The following RYR2 variants were observed in gnomAD, a reference collection of about 807,000 sequenced individuals.
RYR2 encodes cardiac muscle ryanodine receptor-calcium release channel.
A neutral mutation model predicts 601.1 loss-of-function variants in RYR2; 227 were observed. The ratio of observed to expected loss-of-function variants is 0.38; its 90% confidence interval spans 0.34 to 0.42. RYR2 has a LOEUF of 0.42. Among genes scored for constraint, RYR2 ranks in the 10% least tolerant of loss-of-function variants. The pLI is 1.00. For missense variants in RYR2, 4,646 were observed against 6,156.5 expected (o/e 0.75, Z 8.21); for synonymous variants, 2,223 against 2,175.1 (o/e 1.02, Z -0.61).
intron 12 of RYR2, among the ~76,000 whole-genome samples, chr1:237,430,919 C>T (rs4233474): frequency 0.72 from 108,910 of 152,128 alleles, 39,327 homozygotes; most frequent in African/African-American, 0.78. Context: ...GATTTCTGCT[C>T]AGGGATTCTG....
chr1:237,563,834 G>A (rs1671702793), intron 27 of RYR2, among the ~76,000 whole-genome samples: 1 of 152,082 alleles, frequency 6.6e-6, no homozygotes, highest in Non-Finnish European at 1.5e-5. Flanking sequence ...ATACATATTT[G>A]TGAAGTCTTG....
At chr1:237,805,963 T>C (rs1283406845) in intron 98 of RYR2, among the ~76,000 whole-genome samples, 174 bp from the exon 99 acceptor site, 1 of 152,222 alleles carries the variant, frequency 6.6e-6, no homozygotes, top group Non-Finnish European at 1.5e-5. Flanking sequence ...CCCCAATCTC[T>C]AGTGTCCTCT....
Position 237,674,338 on chromosome 1 carries a change from T to C in RYR2, c.8714+119T>C, listed in dbSNP as rs1343726280. The C allele has an allele frequency of 7.9e-6, 6 of 761,272 alleles. No homozygotes were observed. The African/African-American group carries it at 8.8e-5, about 11-fold the overall frequency. The allele number at this position is 761,272 out of a possible 1,614,324, so 47.2% of individuals were successfully genotyped here. A position where few individuals can be genotyped will look rare whatever the true frequency, so the allele number is the denominator to read the frequency against. Reference sequence around the variant, plus strand: ...ATCTGTTTACACTTTTGAGGTACTGTTTAATATGTTTAAAATACACACATC... The same window carrying C: ...ATCTGTTTACACTTTTGAGGTACTGCTTAATATGTTTAAAATACACACATC... On this transcript the variant is annotated intron_variant, in intron 59 of 104. Transcript: ENST00000366574.
intron 37 of RYR2, among the ~76,000 whole-genome samples, chr1:237,616,668 A>G (rs1678504454): frequency 6.6e-6 from 1 of 152,184 alleles, no homozygotes; most frequent in Non-Finnish European, 1.5e-5. Flanking sequence ...TATATATTTC[A>G]TTGGCCATTG....
At chr1:237,647,686 T>C (rs1309373466) in intron 48 of RYR2, among the ~76,000 whole-genome samples, 1 of 152,222 alleles carries the variant, frequency 6.6e-6, no homozygotes, top group Non-Finnish European at 1.5e-5. Flanking sequence ...TCTGTGATAG[T>C]ATTTGTAGAA....
At chr1:237,288,993 A>AC (rs1472522509) in intron 2 of RYR2, among the ~76,000 whole-genome samples, 1 of 151,776 alleles carries the variant, frequency 6.6e-6, no homozygotes, top group Non-Finnish European at 1.5e-5. Flanking sequence ...TGCTTCCTTT[A>AC]CCCCCTGTAT....
intron 33 of RYR2, 122 bp downstream of exon 33, chr1:237,593,758 GC>G (rs1206549191): frequency 1.7e-5 from 17 of 1,014,740 alleles, no homozygotes; most frequent in Non-Finnish European, 2.3e-5. Flanking sequence ...ATATAATCAA[GC>G]CATTAATGTC....
At chr1:237,597,477 T>C (rs568226559) in intron 34 of RYR2, among the ~76,000 whole-genome samples, 6 of 151,836 alleles carry the variant, frequency 4.0e-5, no homozygotes, top group Non-Finnish European at 7.4e-5. Flanking sequence ...AGATGGGGTT[T>C]CACGATGTTG....
chr1:237,260,380 G>A (rs1688396460), intron 1 of RYR2, among the ~76,000 whole-genome samples: 1 of 152,202 alleles, frequency 6.6e-6, no homozygotes, highest in South Asian at 2.1e-4. Flanking sequence ...AACCCTCAGA[G>A]ATATTTCAGC....
At chr1:237,756,609 G>T (rs1692976517) in intron 81 of RYR2, among the ~76,000 whole-genome samples, 1 of 151,158 alleles carries the variant, frequency 6.6e-6, no homozygotes, top group Non-Finnish European at 1.5e-5. Context: ...TTTTCATTCT[G>T]TTCTTTAAGT....
intron 2 of RYR2, among the ~76,000 whole-genome samples, chr1:237,292,592 G>A (rs1490569721): frequency 6.6e-6 from 1 of 152,178 alleles, no homozygotes; most frequent in Non-Finnish European, 1.5e-5. Flanking sequence ...AATTATGCTG[G>A]ATTTGCAGCC....
intron 74 of RYR2, among the ~76,000 whole-genome samples, chr1:237,725,724 A>G (rs933424926): frequency 4.6e-5 from 7 of 152,096 alleles, no homozygotes; most frequent in Non-Finnish European, 7.4e-5. Context: ...ATTTCCTGAA[A>G]TACTTTAATA....
At chr1:237,376,496 A>G (rs1483954879) in intron 7 of RYR2, among the ~76,000 whole-genome samples, 1 of 149,554 alleles carries the variant, frequency 6.7e-6, no homozygotes, top group African/African-American at 2.5e-5. Context: ...AGTTGAGTGA[A>G]GGTAAAGAAT....
At chr1:237,402,590 A>G (rs886288610) in intron 10 of RYR2, among the ~76,000 whole-genome samples, 2 of 152,322 alleles carry the variant, frequency 1.3e-5, no homozygotes, top group Admixed American at 1.3e-4. Context: ...TGAACTGGAA[A>G]TCAGATCAGA....
intron 29 of RYR2, among the ~76,000 whole-genome samples, chr1:237,571,555 T>TC (rs1672705258): frequency 6.6e-6 from 1 of 152,154 alleles, no homozygotes; most frequent in African/African-American, 2.4e-5. Context: ...CCTCAGGTGA[T>TC]CCACCCGCCT....
chr1:237,494,481 C>T (rs897291458), intron 19 of RYR2, among the ~76,000 whole-genome samples: 2 of 152,116 alleles, frequency 1.3e-5, no homozygotes, highest in Non-Finnish European at 2.9e-5. Context: ...GGTGCCCACC[C>T]AGATTGAGGA....
chr1:237,055,210 C>T (rs912031698), intron 1 of RYR2, among the ~76,000 whole-genome samples: 5 of 152,178 alleles, frequency 3.3e-5, no homozygotes, highest in Non-Finnish European at 5.9e-5. Context: ...AGATGACGGG[C>T]GAGTACTGCT....
At chr1:237,812,865 C>T (rs1338659067) in intron 100 of RYR2, among the ~76,000 whole-genome samples, 2 of 149,816 alleles carry the variant, frequency 1.3e-5, no homozygotes, top group South Asian at 2.1e-4. Context: ...CTGCTTTTCT[C>T]GCACCACAAA....
intron 16 of RYR2, among the ~76,000 whole-genome samples, chr1:237,457,951 A>G (rs982761602): frequency 6.6e-6 from 1 of 152,122 alleles, no homozygotes; most frequent in Admixed American, 6.5e-5. Flanking sequence ...CCGGTATATG[A>G]GGCCCCAGTT....
Sources: allele counts gnomAD v4.1 joint callset (sites outside exome capture counted in the v4.1 genomes callset), GRCh38; gene constraint gnomAD v4.1.1; transcripts MANE v1.5; gene names NCBI Gene and HGNC (gene_info 2026-07-23, HGNC 2026-07-21).